The following ARHGAP26 variants were observed in gnomAD, a reference collection of about 807,000 sequenced individuals.
ARHGAP26 encodes Rho GTPase activating protein 26.
ARHGAP26 carries 38 observed loss-of-function variants against 104.8 expected under a neutral mutation model. The ratio of observed to expected loss-of-function variants is 0.36; its 90% confidence interval spans 0.28 to 0.48. The LOEUF is 0.48. ARHGAP26 is among the 20% of genes least tolerant of loss of function. The pLI is 0.99. For missense variants in ARHGAP26, 704 were observed against 947.9 expected (o/e 0.74, Z 3.38); for synonymous variants, 341 against 340.0 (o/e 1.00, Z -0.03).
chr5:143,106,661 C>G (rs1448572440), intron 17 of ARHGAP26, among the ~76,000 whole-genome samples: 1 of 151,880 alleles, frequency 6.6e-6, no homozygotes, highest in Non-Finnish European at 1.5e-5. Flanking sequence ...TTAGTAGAGA[C>G]AGGGTTTCTC....
intron 12 of ARHGAP26, among the ~76,000 whole-genome samples, chr5:143,033,951 A>G (rs1483790450): frequency 4.6e-5 from 7 of 152,226 alleles, no homozygotes; most frequent in Non-Finnish European, 1.0e-4. Flanking sequence ...AGTAGGCTCT[A>G]TTGTGACTAC....
chr5:143,096,355 G>A (rs902066295), intron 17 of ARHGAP26, among the ~76,000 whole-genome samples: 2 of 152,192 alleles, frequency 1.3e-5, no homozygotes, highest in African/African-American at 2.4e-5. Flanking sequence ...TTTCTTGAAA[G>A]CATAAATTTT....
intron 10 of ARHGAP26, chr5:142,919,505 AG>A (rs1040179044): frequency 5.0e-6 from 2 of 397,824 alleles, no homozygotes. Flanking sequence ...TTGAATAGGG[AG>A]GGCCTTTCTC....
chr5:143,174,338 A>G (rs1333411342), intron 20 of ARHGAP26, among the ~76,000 whole-genome samples: 1 of 152,228 alleles, frequency 6.6e-6, no homozygotes, highest in Non-Finnish European at 1.5e-5. Flanking sequence ...TAAGGAAAAC[A>G]GTCAGGATTC....
intron 11 of ARHGAP26, among the ~76,000 whole-genome samples, chr5:142,939,595 A>G (rs913256022): frequency 1.3e-5 from 2 of 152,174 alleles, no homozygotes; most frequent in African/African-American, 4.8e-5. Flanking sequence ...GAGCTGTGAA[A>G]AGTTTTTAAA....
At chr5:143,054,869 A>G (rs1335696917) in intron 15 of ARHGAP26, among the ~76,000 whole-genome samples, 1 of 152,272 alleles carries the variant, frequency 6.6e-6, no homozygotes, top group Non-Finnish European at 1.5e-5. Flanking sequence ...TCTTCTGTTA[A>G]GAATGCATGA....
chr5:143,005,591 C>G (rs899535204), intron 11 of ARHGAP26, among the ~76,000 whole-genome samples: 6 of 152,212 alleles, frequency 3.9e-5, no homozygotes, highest in Non-Finnish European at 7.3e-5. Flanking sequence ...GGATGTTGAA[C>G]AGTAGTATTC....
At chr5:142,913,504 T>C (rs1033187058) in intron 10 of ARHGAP26, among the ~76,000 whole-genome samples, 1 of 152,086 alleles carries the variant, frequency 6.6e-6, no homozygotes, top group Non-Finnish European at 1.5e-5. Context: ...CGAGAATCAT[T>C]AGAACCTCCC....
intron 11 of ARHGAP26, among the ~76,000 whole-genome samples, chr5:142,964,638 C>A (rs1408722090): frequency 6.6e-6 from 1 of 151,902 alleles, no homozygotes; most frequent in East Asian, 1.9e-4. Context: ...ATGCCAATAT[C>A]AAGTAGAGAC....
At chr5:142,841,351 C>T (rs1405602184) in intron 1 of ARHGAP26, among the ~76,000 whole-genome samples, 3 of 152,164 alleles carry the variant, frequency 2.0e-5, no homozygotes, top group Non-Finnish European at 4.4e-5. Context: ...TCAAGTCTCA[C>T]GGTGCTAAGC....
Position 143,203,820 on chromosome 5 carries a change from G to A in ARHGAP26, c.1989-3378G>A, listed in dbSNP as rs1404498521. On this transcript the variant is annotated intron_variant, in intron 20 of 22. Transcript: ENST00000645722. ...CATCATTCTCAGCAAACTAACACAG[G>A]AACAGAAAACCAAACACCGCATGTT... 2.0e-5 allele frequency: 3 copies of A among 151,794 alleles called. No homozygotes were observed. In the East Asian group the frequency reaches 5.8e-4, roughly 29 times the overall value. 9.4% of individuals were successfully genotyped at this position (151,794 alleles called of 1,614,324 possible).
At chr5:142,814,394 T>G (rs1475194564) in intron 1 of ARHGAP26, among the ~76,000 whole-genome samples, 1 of 152,240 alleles carries the variant, frequency 6.6e-6, no homozygotes, top group East Asian at 1.9e-4. Context: ...CCAATTCCTG[T>G]TCTCTCAGGA....
At chr5:143,045,878 A>G (rs1171888231) in intron 14 of ARHGAP26, among the ~76,000 whole-genome samples, 2 of 152,216 alleles carry the variant, frequency 1.3e-5, no homozygotes, top group African/African-American at 4.8e-5. Flanking sequence ...TCACACCTGT[A>G]ATCCCAGCAC....
At chr5:143,085,449 G>T (rs912893878) in intron 17 of ARHGAP26, among the ~76,000 whole-genome samples, 6 of 152,068 alleles carry the variant, frequency 3.9e-5, no homozygotes, top group African/African-American at 1.4e-4. Context: ...TCCAGTTAAT[G>T]GCATGTGTGA....
intron 17 of ARHGAP26, among the ~76,000 whole-genome samples, chr5:143,096,684 C>CTT (rs147658032): frequency 7.8e-5 from 11 of 141,810 alleles, no homozygotes; most frequent in East Asian, 4.0e-4. Flanking sequence ...TAAAGCTAGG[C>CTT]TTTTTTTTTT....
At chr5:142,976,614 A>G (rs576424161) in intron 11 of ARHGAP26, among the ~76,000 whole-genome samples, 54 of 152,352 alleles carry the variant, frequency 3.5e-4, no homozygotes, top group African/African-American at 1.2e-3. Context: ...GTGTATTGAA[A>G]AATGCAACGT....
At chr5:142,894,042 T>C (rs1057115140) in intron 5 of ARHGAP26, among the ~76,000 whole-genome samples, 196 bp from the exon 6 acceptor site, 2 of 152,088 alleles carry the variant, frequency 1.3e-5, no homozygotes, top group Non-Finnish European at 2.9e-5. Flanking sequence ...AAAATATGTA[T>C]TTAAGTTGTA....
At position 142,770,730 on chromosome 5, in the gene ARHGAP26, G is replaced by A. The variant is rs746958044; in HGVS notation, c.-32G>A. On this transcript the variant is annotated 5_prime_UTR_variant, in exon 1 of 23. Transcript: ENST00000645722. ...GGCGGGCGGCCCGGGCCCCGGCGGA[G>A]GCGCGCCCCCCGGCTGGGCGCCGCG... 4 of 1,226,278 alleles carry A rather than the reference G, an allele frequency of 3.3e-6. No homozygotes were observed. The highest frequency in any genetic ancestry group is 4.1e-6 in the Non-Finnish European group (4 of 973,058). The allele number at this position is 1,226,278 out of a possible 1,614,324, so 76.0% of individuals were successfully genotyped here.
intron 1 of ARHGAP26, among the ~76,000 whole-genome samples, chr5:142,832,981 A>C (rs1768799355): frequency 6.6e-6 from 1 of 152,168 alleles, no homozygotes; most frequent in African/African-American, 2.4e-5. Context: ...AGAATATTTG[A>C]AAAGTATAAT....
Sources: gnomAD v4.1 joint callset for allele counts (sites outside exome capture counted in the v4.1 genomes callset) on GRCh38, gnomAD v4.1.1 for gene constraint, MANE v1.5 for transcripts, NCBI Gene and HGNC (gene_info 2026-07-23, HGNC 2026-07-21) for gene names.